HECW1: variants seen among roughly 807,000 people sequenced by gnomAD.
HECW1 encodes the protein HECT, C2 and WW domain containing E3 ubiquitin protein ligase 1.
A neutral mutation model predicts 182.3 loss-of-function variants in HECW1; 61 were observed. That is an observed-to-expected ratio of 0.33 (90% CI 0.27 to 0.41). The LOEUF (loss-of-function observed/expected upper bound fraction) is 0.41. Ranked by LOEUF, HECW1 falls within the 10% of genes least tolerant of loss-of-function variation. HECW1 has a pLI of 1.00. For missense variants in HECW1, 1,739 were observed against 2,108.9 expected (o/e 0.82, Z 3.44); for synonymous variants, 859 against 832.6 (o/e 1.03, Z -0.55).
At chr7:43,486,079 A>G (rs1490965874) in intron 17 of HECW1, among the ~76,000 whole-genome samples, 2 of 151,426 alleles carry the variant, frequency 1.3e-5, no homozygotes, top group East Asian at 3.9e-4. Context: ...TCATTGTTCA[A>G]CTCCCACTTA....
chr7:43,229,438 C>T (rs960143277), intron 2 of HECW1, among the ~76,000 whole-genome samples: 1 of 150,728 alleles, frequency 6.6e-6, no homozygotes, highest in Non-Finnish European at 1.5e-5. Flanking sequence ...AACTCATGAA[C>T]ACATAAGAAG....
At chr7:43,485,419 G>C (rs1315037430) in intron 17 of HECW1, among the ~76,000 whole-genome samples, 2 of 152,202 alleles carry the variant, frequency 1.3e-5, no homozygotes, top group Non-Finnish European at 2.9e-5. Flanking sequence ...AAAATAAACT[G>C]TTTAATTACA....
intron 3 of HECW1, among the ~76,000 whole-genome samples, chr7:43,272,550 G>A (rs1269884097): frequency 6.6e-6 from 1 of 152,108 alleles, no homozygotes; most frequent in Non-Finnish European, 1.5e-5. Flanking sequence ...AGACATATAA[G>A]CAGCCAGCAA....
In HECW1 at chr7:43,518,922, G is replaced by A. The variant is rs556631490; in HGVS notation, c.4019+9801G>A. ...ATTGTTGGTAGAAACATGCATGAAAGCAATTTTATAGCCTTTCAGGGGGGA... is the reference window on the plus strand; with the variant it reads ...ATTGTTGGTAGAAACATGCATGAAAACAATTTTATAGCCTTTCAGGGGGGA... On this transcript the variant is annotated intron_variant, in intron 24 of 29. Transcript: ENST00000395891. Among the ~76,000 whole-genome samples the A allele has an allele frequency of 2.0e-5, 3 of 152,222 alleles. No individual in the cohort carries two copies. In the South Asian group the frequency reaches 6.2e-4, roughly 32 times the overall value.
intron 2 of HECW1, chr7:43,240,111 G>C (rs916597245): frequency 6.6e-6 from 1 of 152,240 alleles, no homozygotes; most frequent in Non-Finnish European, 1.5e-5. Context: ...GGGAGGCCGA[G>C]GCGGGAGAAT....
intron 19 of HECW1, among the ~76,000 whole-genome samples, chr7:43,494,570 C>T (rs2079048200): frequency 6.6e-6 from 1 of 151,098 alleles, no homozygotes; most frequent in Non-Finnish European, 1.5e-5. Context: ...ATGGTACAAT[C>T]TCAGCTCACT....
chr7:43,247,278 G>A (rs138240499), intron 3 of HECW1, among the ~76,000 whole-genome samples: 205 of 152,294 alleles, frequency 1.3e-3, no homozygotes, highest in African/African-American at 4.7e-3. Flanking sequence ...CTTCTGTTTA[G>A]GGCATGTGCT....
At chr7:43,545,545 T>C (rs529492633) in intron 26 of HECW1, among the ~76,000 whole-genome samples, 252 of 152,332 alleles carry the variant, frequency 1.7e-3, no homozygotes, top group African/African-American at 5.7e-3. Flanking sequence ...CTTTTGATTT[T>C]CCAAAAACTT....
intron 2 of HECW1, among the ~76,000 whole-genome samples, chr7:43,230,794 T>C (rs1797815617): frequency 6.6e-6 from 1 of 152,166 alleles, no homozygotes; most frequent in African/African-American, 2.4e-5. Flanking sequence ...CAGCAAAATG[T>C]GAACATTTGG....
intron 2 of HECW1, among the ~76,000 whole-genome samples, chr7:43,188,610 C>T (rs1006707718): frequency 2.0e-5 from 3 of 152,184 alleles, no homozygotes; most frequent in African/African-American, 7.2e-5. Context: ...CTTGCTGGCT[C>T]ATAGCTGACA....
chr7:43,430,665 G>A (rs2076517234), intron 8 of HECW1, among the ~76,000 whole-genome samples: 1 of 152,008 alleles, frequency 6.6e-6, no homozygotes, highest in African/African-American at 2.4e-5. Context: ...TACATTTTAT[G>A]TTTATAATTA....
At chr7:43,176,925 T>A (rs1792313245) in intron 2 of HECW1, among the ~76,000 whole-genome samples, 1 of 152,210 alleles carries the variant, frequency 6.6e-6, no homozygotes, top group African/African-American at 2.4e-5. Flanking sequence ...CCTGTTCATT[T>A]GCAGGCTCCT....
At chr7:43,324,617 C>T (rs2152784487) in intron 5 of HECW1, among the ~76,000 whole-genome samples, 1 of 152,220 alleles carries the variant, frequency 6.6e-6, no homozygotes, top group Admixed American at 6.5e-5. Flanking sequence ...GTTACAGAAG[C>T]TTCTATTATG....
intron 3 of HECW1, among the ~76,000 whole-genome samples, chr7:43,252,524 C>G (rs115922385): frequency 0.013 from 2,017 of 152,316 alleles, 45 homozygotes; most frequent in African/African-American, 0.045. Context: ...TTGGGAACAC[C>G]CTGGCTTATA....
At chr7:43,125,211 C>T (rs919635830) in intron 2 of HECW1, among the ~76,000 whole-genome samples, 1 of 152,090 alleles carries the variant, frequency 6.6e-6, no homozygotes, top group Non-Finnish European at 1.5e-5. Flanking sequence ...AAGGCTCCTC[C>T]TCCAAGTATC....
chr7:43,264,140 A>G (rs1344742675), intron 3 of HECW1, among the ~76,000 whole-genome samples: 1 of 152,204 alleles, frequency 6.6e-6, no homozygotes, highest in Non-Finnish European at 1.5e-5. Flanking sequence ...AATATGCAAC[A>G]CCTTATTATT....
At chr7:43,499,366 G>C (rs2079244191) in intron 19 of HECW1, among the ~76,000 whole-genome samples, 2 of 152,018 alleles carry the variant, frequency 1.3e-5, no homozygotes, top group African/African-American at 4.8e-5. Context: ...CTACTCAGGA[G>C]GCTGAGGCAC....
intron 2 of HECW1, among the ~76,000 whole-genome samples, chr7:43,220,772 G>A (rs945453997): frequency 1.1e-4 from 17 of 152,214 alleles, no homozygotes; most frequent in Admixed American, 9.2e-4. Flanking sequence ...GTAGGTTTAG[G>A]AAAGCCACCA....
chr7:43,315,465 G>GTTA (rs58930495), intron 4 of HECW1, among the ~76,000 whole-genome samples: 1,949 of 131,112 alleles, frequency 0.015, 17 homozygotes, highest in Middle Eastern at 0.019. Context: ...CATTATTATT[G>GTTA]TTATTATTAT....
Sources: allele counts gnomAD v4.1 joint callset (sites outside exome capture counted in the v4.1 genomes callset), GRCh38; gene constraint gnomAD v4.1.1; transcripts MANE v1.5; gene names NCBI Gene and HGNC (gene_info 2026-07-23, HGNC 2026-07-21).